Variants in FURIN observed in about 807,000 individuals in gnomAD.
FURIN encodes the protein FES upstream region.
Under a neutral mutation model 89.2 loss-of-function variants are expected in FURIN, and 18 were observed. The observed-to-expected ratio is 0.20, with a 90% CI of 0.14 to 0.30. The LOEUF (loss-of-function observed/expected upper bound fraction) is 0.30, where lower values mean the gene tolerates loss of function less well. Among genes scored for constraint, FURIN ranks in the 10% least tolerant of loss-of-function variants. The probability of loss-of-function intolerance (pLI) is 1.00; values close to 1 mark genes in which losing one functional copy is unlikely to be tolerated. For missense variants in FURIN, 879 were observed against 1,100.5 expected, an observed-to-expected ratio of 0.80 and a Z score of 2.85; for synonymous variants, 508 against 466.4, an observed-to-expected ratio of 1.09 and a Z score of -1.15.
chr15:90,874,285 C>A (rs2031484545), intron 1 of FURIN, among the ~76,000 whole-genome samples: 1 of 152,260 alleles, frequency 6.6e-6, no homozygotes, highest in Non-Finnish European at 1.5e-5. Context: ...TTGATTCAGT[C>A]TCACCTTGGC....
chr15:90,876,117 T>G lies in FURIN; in HGVS notation c.178-138T>G. 1 of 779,696 alleles carries G rather than the reference T, an allele frequency of 1.3e-6. No homozygotes were observed. Among genetic ancestry groups the G allele is most frequent in the South Asian group, 1.5e-5 (1 of 64,574 alleles). 48.3% of individuals were successfully genotyped at this position (779,696 alleles called of 1,614,324 possible). ...AGTCCTCATGGTCCCCGCATTTTGCTGGGTCCCGGACAGGGAGCAGATGCC... is the reference window on the plus strand; with the variant it reads ...AGTCCTCATGGTCCCCGCATTTTGCGGGGTCCCGGACAGGGAGCAGATGCC... On this transcript the variant is annotated intron_variant, in intron 2 of 15. Coordinates refer to ENST00000268171, the MANE Select transcript of FURIN (RefSeq NM_002569.4). This position sits in a 1 kb window ranked among gnomAD's most constrained non-coding sequence, Gnocchi z 5.0.
Position 90,879,951 on chromosome 15 carries a change from G to A in FURIN, c.1343G>A (p.Arg448Gln), listed in dbSNP as rs760253587. Residue 448 changes from arginine to glutamine, a missense_variant, in exon 12 of 16, where the codon CGG becomes CAG. By Grantham distance (43) the Arg-to-Gln change is conservative. Coordinates refer to ENST00000268171, the MANE Select transcript of FURIN (RefSeq NM_002569.4). ...AQNWTTVAPQ[R>Q]KCIIDILTEP... ...AATTGGACCACAGTGGCCCCCCAGCGGAAGTGCATCATCGACATCCTCACC... is the reference window on the plus strand; with the variant it reads ...AATTGGACCACAGTGGCCCCCCAGCAGAAGTGCATCATCGACATCCTCACC... The A allele has an allele frequency of 1.7e-5, 28 of 1,613,028 alleles. No homozygotes were observed. The highest frequency in any genetic ancestry group is 4.0e-5 in the African/African-American group (3 of 74,944).
Position 90,876,649 on chromosome 15 carries a change from C to T in FURIN, c.372+92C>T. The T allele has an allele frequency of 1.1e-6, 1 of 916,522 alleles. No individual in the cohort carries two copies. The allele number at this position is 916,522 out of a possible 1,614,324, so 56.8% of individuals were successfully genotyped here. On this transcript the variant is annotated intron_variant, in intron 4 of 15. Transcript: ENST00000268171. The surrounding 1 kb of genome is among the most constrained non-coding windows in gnomAD (Gnocchi z 5.0). ...GGATGGAGGAGGCTGTCTTCGAGGCCTCCTCTGATTCGTTTCCTTTCCTCC... is the reference window on the plus strand; with the variant it reads ...GGATGGAGGAGGCTGTCTTCGAGGCTTCCTCTGATTCGTTTCCTTTCCTCC...
chr15:90,875,919 T>C lies in FURIN; in HGVS notation c.177+2T>C. On this transcript the variant is annotated splice_donor_variant, in intron 2 of 15. Transcript: ENST00000268171. LOFTEE classifies it high-confidence loss of function. ...CATGGGTTCCTCAACCTGGGCCAGGTAGGTGTTCCCCCACAGGACACTGCC... is the reference window on the plus strand; with the variant it reads ...CATGGGTTCCTCAACCTGGGCCAGGCAGGTGTTCCCCCACAGGACACTGCC... 6.3e-7 allele frequency: 1 copy of C among 1,577,484 alleles called. No homozygotes were observed. The highest frequency in any genetic ancestry group is 8.6e-7 in the Non-Finnish European group (1 of 1,162,490).
intron 6 of FURIN, 68 bp from the exon 7 acceptor site, chr15:90,877,459 C>T: frequency 2.3e-6 from 3 of 1,290,942 alleles, no homozygotes; most frequent in East Asian, 2.5e-5. Flanking sequence ...TCGTGCTCCT[C>T]AGGCCACATC....
intron 1 of FURIN, 93 bp from the exon 2 acceptor site, chr15:90,875,489 C>T (rs1008172264): frequency 5.6e-5 from 23 of 408,908 alleles, no homozygotes; most frequent in African/African-American, 3.9e-4. Context: ...CATTTCAGGC[C>T]CCAATTGAAA....
rs79877835 is a variant in FURIN, at chr15:90,874,152, C to A, written c.-159-1430C>A. Among the ~76,000 whole-genome samples, 344 of 152,370 alleles carry A rather than the reference C, an allele frequency of 2.3e-3. 1 individual carries two copies. Among genetic ancestry groups the A allele is most frequent in the Non-Finnish European group, 4.0e-3 (270 of 68,032 alleles). On this transcript the variant is annotated intron_variant, in intron 1 of 15. Transcript: ENST00000268171. The stretch of plus-strand genomic sequence containing the variant: ...GCTGGGACCTCCCCTAGCTTCCCCC[C>A]CTTCCTCCAGGGCCTTGGCTTCTGG...
chr15:90,871,905 C>T (rs1410165498), intron 1 of FURIN, among the ~76,000 whole-genome samples: 1 of 151,308 alleles, frequency 6.6e-6, no homozygotes, highest in East Asian at 2.0e-4. Context: ...GGGCCCGTCT[C>T]GGCCCCCCGG....
intron 1 of FURIN, among the ~76,000 whole-genome samples, chr15:90,871,288 C>G (rs939706911): frequency 1.3e-5 from 2 of 152,148 alleles, no homozygotes; most frequent in African/African-American, 4.8e-5. Flanking sequence ...GTCTCCGCGG[C>G]CGTCTTCCCG....
At chr15:90,872,492 G>C (rs1289318086) in intron 1 of FURIN, among the ~76,000 whole-genome samples, 1 of 152,178 alleles carries the variant, frequency 6.6e-6, no homozygotes, top group Non-Finnish European at 1.5e-5. Context: ...GTGCTGAGCA[G>C]GTGTGGACAC....
rs1042257763 is a variant in FURIN at position 90,879,342 on chromosome 15, A to G, written c.1054-102A>G. ...GTTCTTGGCCCTGGCTCCCCATACC[A>G]TCTGTGGTGCCCAGGGCCTGTATGC... On this transcript the variant is annotated intron_variant, in intron 9 of 15. Coordinates refer to ENST00000268171, the MANE Select transcript of FURIN (RefSeq NM_002569.4). The G allele has an allele frequency of 7.9e-5, 69 of 876,992 alleles. No homozygotes were observed. In the East Asian group the frequency reaches 1.4e-3, roughly 17 times the overall value. The allele number at this position is 876,992 out of a possible 1,614,324, so 54.3% of individuals were successfully genotyped here. A position where few individuals can be genotyped will look rare whatever the true frequency, so the allele number is the denominator to read the frequency against.
At chr15:90,875,507 T>C (rs2031561079) in intron 1 of FURIN, 75 bp from the exon 2 acceptor site, 6 of 421,046 alleles carry the variant, frequency 1.4e-5, no homozygotes, top group Non-Finnish European at 2.1e-5. Context: ...AAACTTGGGG[T>C]GGGCAGGGCA....
chr15:90,873,953 A>G (rs1245238936), intron 1 of FURIN, among the ~76,000 whole-genome samples: 3 of 152,184 alleles, frequency 2.0e-5, no homozygotes, highest in African/African-American at 4.8e-5. Context: ...TGGAGAAGCA[A>G]GGAGTTTTCT....
chr15:90,877,281 G>T, intron 6 of FURIN, 70 bp downstream of exon 6: 1 of 1,293,334 alleles, frequency 7.7e-7, no homozygotes, highest in African/African-American at 1.5e-5. Context: ...GGCTGAGCCT[G>T]GGTGAGATGT....
chr15:90,877,102 G>T, intron 5 of FURIN, 33 bp from the exon 6 acceptor site: 1 of 1,610,022 alleles, frequency 6.2e-7, no homozygotes, highest in Non-Finnish European at 8.5e-7. Flanking sequence ...AGTGAGGTCA[G>T]CCTTCTCCTG....
chr15:90,874,950 G>A (rs2041614281), intron 1 of FURIN, among the ~76,000 whole-genome samples: 1 of 151,738 alleles, frequency 6.6e-6, no homozygotes, highest in African/African-American at 2.4e-5. Context: ...CTTGATCATG[G>A]TGAACATTTA....
chr15:90,881,662 C>G lies in FURIN; in HGVS notation c.2169C>G (p.Ala723=). Residue 723 remains alanine, a synonymous_variant, in exon 16 of 16, where the codon GCC becomes GCG. Coordinates refer to ENST00000268171, the MANE Select transcript of FURIN (RefSeq NM_002569.4). The surrounding 1 kb of genome is among the most constrained non-coding windows in gnomAD (Gnocchi z 4.3). The part of the protein sequence containing the change: ...LPEVVAGLSC[A]FIVLVFVTVF... The stretch of plus-strand genomic sequence containing the variant: ...AGGTGGTGGCCGGCCTCAGCTGCGC[C>G]TTCATCGTGCTGGTCTTCGTCACTG... 6.3e-7 allele frequency: 1 copy of G among 1,585,480 alleles called. No homozygotes were observed. The highest frequency in any genetic ancestry group is 8.6e-7 in the Non-Finnish European group (1 of 1,163,878).
intron 1 of FURIN, among the ~76,000 whole-genome samples, chr15:90,870,927 C>A (rs1324314703): frequency 6.6e-6 from 1 of 151,936 alleles, no homozygotes; most frequent in East Asian, 1.9e-4. Flanking sequence ...AGTGACTGGC[C>A]TGGTGCCTGG....
In FURIN at chr15:90,882,266, C is replaced by A. The variant is rs1400327917; in HGVS notation, c.*388C>A. ...TAAAGCAATAATGGTCCCATCCAGG[C>A]AGTCGGGGGCTGGCCTAGGAGATAT... On this transcript the variant is annotated 3_prime_UTR_variant, in exon 16 of 16. Coordinates refer to ENST00000268171, the MANE Select transcript of FURIN (RefSeq NM_002569.4). The A allele has an allele frequency of 4.4e-6, 1 of 225,804 alleles. No homozygotes were observed. Among genetic ancestry groups the A allele is most frequent in the Non-Finnish European group, 8.9e-6 (1 of 112,482 alleles). 14.0% of individuals were successfully genotyped at this position (225,804 alleles called of 1,614,324 possible). A position where few individuals can be genotyped will look rare whatever the true frequency, so the allele number is the denominator to read the frequency against.
Sources: gnomAD v4.1 joint callset for allele counts (sites outside exome capture counted in the v4.1 genomes callset) on GRCh38, gnomAD v4.1.1 for gene constraint, Gnocchi (gnomAD v3.1) non-coding constraint, MANE v1.5 for transcripts, NCBI Gene and HGNC (gene_info 2026-07-23, HGNC 2026-07-21) for gene names.